The following HDC variants were observed in gnomAD, a reference collection of about 807,000 sequenced individuals.
The protein encoded by HDC is histidine decarboxylase.
Under a neutral mutation model 64.4 loss-of-function variants are expected in HDC, and 27 were observed. The observed-to-expected ratio is 0.42, with a 90% confidence interval of 0.31 to 0.58. HDC has a LOEUF of 0.58. Among genes scored for constraint, HDC ranks in the 20% least tolerant of loss-of-function variants. HDC has a pLI of 0.16. For missense variants in HDC, 711 were observed against 833.9 expected (o/e 0.85, Z 1.81); for synonymous variants, 305 against 314.2 (o/e 0.97, Z 0.31).
At chr15:50,254,013 G>A (rs1176054611) in intron 6 of HDC, 117 bp downstream of exon 6, 27 of 1,076,926 alleles carry the variant, frequency 2.5e-5, no homozygotes, top group Non-Finnish European at 3.8e-5. Context: ...GTAAAATACT[G>A]TATGGGAGGA....
intron 1 of HDC, among the ~76,000 whole-genome samples, chr15:50,264,397 C>CTT (rs1481584705): frequency 6.6e-6 from 1 of 151,974 alleles, no homozygotes; most frequent in Non-Finnish European, 1.5e-5. Context: ...ATCTTAATGA[C>CTT]TTTCTCTCCC....
In HDC at chr15:50,242,411, C is replaced by G. The variant is rs777801770; in HGVS notation, c.1838G>C (p.Arg613Thr). Residue 613 changes from arginine to threonine, a missense_variant, in exon 12 of 12, where the codon AGA becomes ACA. Around this residue, in one of 3 missense-constraint regions of HDC, gnomAD observed 483 missense variants for 540.9 expected, o/e 0.89. Transcript: ENST00000267845. ...SVKNGGSSRV[R>T]IFSRFPEDMM... The stretch of plus-strand genomic sequence containing the variant: ...GTCTTCTGGAAACCTGGAAAAGATT[C>G]TGACCCTGGAGGAGCCCCCATTCTT... The G allele has an allele frequency of 6.2e-7, 1 of 1,614,194 alleles. No individual in the cohort carries two copies. Among genetic ancestry groups the G allele is most frequent in the South Asian group, 1.1e-5 (1 of 91,076 alleles).
At chr15:50,247,692 T>C (rs912675118) in intron 10 of HDC, among the ~76,000 whole-genome samples, 1 of 152,224 alleles carries the variant, frequency 6.6e-6, no homozygotes, top group Non-Finnish European at 1.5e-5. Flanking sequence ...CTGTGTCCCT[T>C]TCTTAGCACA....
intron 9 of HDC, among the ~76,000 whole-genome samples, chr15:50,250,112 G>A (rs1474660933): frequency 4.6e-5 from 7 of 152,170 alleles, no homozygotes; most frequent in East Asian, 1.9e-4. Context: ...GAGCTTCTCC[G>A]CTGTCAGAGA....
chr15:50,259,435 G>A (rs2238292), intron 2 of HDC, among the ~76,000 whole-genome samples: 5 of 151,868 alleles, frequency 3.3e-5, no homozygotes, highest in East Asian at 3.9e-4. Context: ...AATCAAAACC[G>A]GATGTAAGGA....
chr15:50,262,484 G>C (rs1279684139), intron 2 of HDC, among the ~76,000 whole-genome samples: 1 of 152,204 alleles, frequency 6.6e-6, no homozygotes, highest in Non-Finnish European at 1.5e-5. Context: ...CACCATGGCA[G>C]AGCTCCTCAC....
At position 50,242,528 on chromosome 15, in the gene HDC, G is replaced by A. The variant is rs780647095; in HGVS notation, c.1721C>T (p.Ser574Phe). ...CACCGTCTTCTTCTTAGTCTGCACAGACAAGTAACTGAACAGGAAGGAGGA... is the reference window on the plus strand; with the variant it reads ...CACCGTCTTCTTCTTAGTCTGCACAAACAAGTAACTGAACAGGAAGGAGGA... Reference protein sequence around the residue: ...KLSSFLFSYLSVQTKKKTVRS... With the variant: ...KLSSFLFSYLFVQTKKKTVRS... Residue 574 changes from serine to phenylalanine, a missense_variant, in exon 12 of 12, where the codon TCT becomes TTT. By Grantham distance (155) the Ser-to-Phe change is radical. Around this residue, in one of 3 missense-constraint regions of HDC, gnomAD observed 483 missense variants for 540.9 expected, o/e 0.89. Coordinates refer to ENST00000267845, the MANE Select transcript of HDC (RefSeq NM_002112.4). 1 of 1,614,212 alleles carries A rather than the reference G, an allele frequency of 6.2e-7. No individual in the cohort carries two copies. The highest frequency in any genetic ancestry group is 8.5e-7 in the Non-Finnish European group (1 of 1,180,044).
At chr15:50,251,509 C>T (rs1473352564) in intron 9 of HDC, among the ~76,000 whole-genome samples, 1 of 152,182 alleles carries the variant, frequency 6.6e-6, no homozygotes, top group Non-Finnish European at 1.5e-5. Flanking sequence ...AGCTTGCCCC[C>T]ACTCTGCTCT....
intron 7 of HDC, 168 bp downstream of exon 7, chr15:50,253,432 A>G: frequency 2.8e-6 from 2 of 715,180 alleles, no homozygotes; most frequent in East Asian, 5.4e-5. Context: ...GGCAATGTCC[A>G]GGGATCCCTG....
chr15:50,259,385 C>T (rs186256956), intron 2 of HDC, among the ~76,000 whole-genome samples: 160 of 152,158 alleles, frequency 1.1e-3, no homozygotes, highest in African/African-American at 3.6e-3. Context: ...CCAGACCAAG[C>T]GTATGGGAGG....
intron 10 of HDC, chr15:50,244,992 C>T (rs911215691): frequency 1.3e-5 from 2 of 152,208 alleles, no homozygotes; most frequent in Non-Finnish European, 2.9e-5. Flanking sequence ...GTACAAGTGA[C>T]AGTAGGTAGA....
intron 4 of HDC, 82 bp downstream of exon 4, chr15:50,257,343 C>A: frequency 6.4e-7 from 1 of 1,566,674 alleles, no homozygotes; most frequent in Non-Finnish European, 8.8e-7. Flanking sequence ...CCATGGAGAA[C>A]GGGAGAATTG....
chr15:50,248,899 G>A lies in HDC; in HGVS notation c.1042-556C>T, dbSNP rs897108503. ...ACATAAAGAACCAATTGCACCTCCC[G>A]GGCAAGTGGTGTGAGGACAAAGAAC... On this transcript the variant is annotated intron_variant, in intron 9 of 11. Coordinates refer to ENST00000267845, the MANE Select transcript of HDC (RefSeq NM_002112.4). This position sits in a 1 kb window ranked among gnomAD's most constrained non-coding sequence, Gnocchi z 4.3. 2.0e-5 allele frequency among the ~76,000 whole-genome samples: 3 copies of A among 152,152 alleles called. No individual in the cohort carries two copies. Among genetic ancestry groups the A allele is most frequent in the African/African-American group, 7.2e-5 (3 of 41,420 alleles).
intron 1 of HDC, 22 bp from the exon 2 acceptor site, chr15:50,263,429 C>T: frequency 6.2e-7 from 1 of 1,612,738 alleles, no homozygotes; most frequent in African/African-American, 1.3e-5. Context: ...ATAGAGAAAT[C>T]AGGCTGAAAT....
intron 4 of HDC, among the ~76,000 whole-genome samples, chr15:50,255,002 T>C (rs1416878736): frequency 6.6e-6 from 1 of 152,202 alleles, no homozygotes; most frequent in African/African-American, 2.4e-5. Flanking sequence ...GTAAAACATA[T>C]TTAAAAGAAG....
chr15:50,248,481 A>G lies in HDC; in HGVS notation c.1042-138T>C. ...ACCATGACTCTGGGAGCTGTTGCTA[A>G]GGAGTAAGCCAAGCTCCCCAAGGGT... On this transcript the variant is annotated intron_variant, in intron 9 of 11. Coordinates refer to ENST00000267845, the MANE Select transcript of HDC (RefSeq NM_002112.4). The surrounding 1 kb of genome is among the most constrained non-coding windows in gnomAD (Gnocchi z 4.3). 6 of 708,160 alleles carry G rather than the reference A, an allele frequency of 8.5e-6. No individual in the cohort carries two copies. In the Admixed American group the frequency reaches 1.0e-4, roughly 12 times the overall value. 43.9% of individuals were successfully genotyped at this position (708,160 alleles called of 1,614,324 possible).
intron 3 of HDC, among the ~76,000 whole-genome samples, 165 bp downstream of exon 3, chr15:50,258,239 G>T (rs962386109): frequency 1.3e-5 from 2 of 152,162 alleles, no homozygotes; most frequent in African/African-American, 4.8e-5. Flanking sequence ...TAGGGTTAAA[G>T]GATGTGATGA....
At chr15:50,253,812 G>A (rs549085446) in intron 6 of HDC, 146 bp from the exon 7 acceptor site, 21 of 732,822 alleles carry the variant, frequency 2.9e-5, no homozygotes, top group African/African-American at 1.0e-4. Context: ...ACCATGGCTC[G>A]TAAGAAACAC....
intron 2 of HDC, 77 bp from the exon 3 acceptor site, chr15:50,258,594 GCA>G: frequency 4.9e-6 from 4 of 822,572 alleles, no homozygotes; most frequent in Non-Finnish European, 8.4e-6. Flanking sequence ...ACCATCTCTG[GCA>G]AGGTGAAGTG....
Sources: allele counts gnomAD v4.1 joint callset (sites outside exome capture counted in the v4.1 genomes callset), GRCh38; gene constraint gnomAD v4.1.1; regional missense constraint gnomAD v4.1.1; non-coding constraint Gnocchi (gnomAD v3.1); transcripts MANE v1.5; gene names NCBI Gene and HGNC (gene_info 2026-07-23, HGNC 2026-07-21).